Variants in GFPT2 observed in about 807,000 individuals in gnomAD.
GFPT2 encodes glutamine--fructose-6-phosphate transaminase 2, also known as glutamine--fructose-6-phosphate aminotransferase [isomerizing] 2.
A neutral mutation model predicts 85.6 loss-of-function variants in GFPT2; 62 were observed. The observed-to-expected ratio is 0.72, with a 90% CI of 0.59 to 0.90. The LOEUF is 0.90. Among genes scored for constraint, GFPT2 ranks in the 40% least tolerant of loss-of-function variants. GFPT2 has a pLI of 0.00. For missense variants in GFPT2, 788 were observed against 893.4 expected (o/e 0.88, Z 1.50); for synonymous variants, 368 against 344.5 (o/e 1.07, Z -0.75).
Position 180,321,941 on chromosome 5 carries a change from G to A in GFPT2, c.794+2247C>T, listed in dbSNP as rs369423419. ...TGGGACTACAGGCCTCCGCCACCAC[G>A]CCCGGCTGATTTTTTTTTTGTATTT... On this transcript the variant is annotated intron_variant, in intron 9 of 18. Coordinates refer to ENST00000253778, the MANE Select transcript of GFPT2 (RefSeq NM_005110.4). Among the ~76,000 whole-genome samples the A allele has an allele frequency of 9.9e-5, 15 of 151,824 alleles. No homozygotes were observed. The South Asian group carries it at 1.0e-3, about 11-fold the overall frequency.
Position 180,328,396 on chromosome 5 carries a change from G to T in GFPT2, c.535-58C>A. On this transcript the variant is annotated intron_variant, in intron 6 of 18. Transcript: ENST00000253778. This position sits in a 1 kb window ranked among gnomAD's most constrained non-coding sequence, Gnocchi z 5.4. Reference sequence around the variant, plus strand: ...TTCCAGCAGCCGCTGCTGCAGCCTGGCCACAGCCCAGGTGCGTCTCCCTGG... The same window carrying T: ...TTCCAGCAGCCGCTGCTGCAGCCTGTCCACAGCCCAGGTGCGTCTCCCTGG... 7.2e-7 allele frequency: 1 copy of T among 1,391,536 alleles called. No homozygotes were observed. The highest frequency in any genetic ancestry group is 1.0e-6 in the Non-Finnish European group (1 of 978,294). 86.2% of individuals were successfully genotyped at this position (1,391,536 alleles called of 1,614,324 possible).
rs772482014 is a variant in GFPT2, at chr5:180,330,697, C to T, written c.534+3G>A. 1 of 1,610,734 alleles carries T rather than the reference C, an allele frequency of 6.2e-7. No homozygotes were observed. The highest frequency in any genetic ancestry group is 8.5e-7 in the Non-Finnish European group (1 of 1,177,252). Reference sequence around the variant, plus strand: ...AGTTAGACAGATGGGATTTGTAACTCACCAACTGCTGAATGACTCTCTCGA... The same window carrying T: ...AGTTAGACAGATGGGATTTGTAACTTACCAACTGCTGAATGACTCTCTCGA... On this transcript the variant is annotated splice_donor_region_variant and intron_variant, in intron 6 of 18. Coordinates refer to ENST00000253778, the MANE Select transcript of GFPT2 (RefSeq NM_005110.4). This position sits in a 1 kb window ranked among gnomAD's most constrained non-coding sequence, Gnocchi z 4.4.
chr5:180,352,701 C>G (rs772192787), intron 1 of GFPT2: 1 of 422,324 alleles, frequency 2.4e-6, no homozygotes, highest in South Asian at 1.6e-5. Context: ...GAGGCACTGA[C>G]GCAGCGGGGG....
chr5:180,305,045 G>A (rs1581365690), intron 16 of GFPT2, 106 bp from the exon 17 acceptor site: 1 of 808,490 alleles, frequency 1.2e-6, no homozygotes, highest in East Asian at 2.5e-5. Context: ...CTGGAAGGCA[G>A]AGAGCCAAGG....
intron 14 of GFPT2, 47 bp from the exon 15 acceptor site, chr5:180,312,591 A>G (rs1460224252): frequency 9.9e-7 from 1 of 1,009,284 alleles, no homozygotes; most frequent in Non-Finnish European, 1.6e-6. Context: ...TCACTTTTTA[A>G]ATCAACTTTT....
At chr5:180,338,918 G>A (rs905220274) in intron 1 of GFPT2, among the ~76,000 whole-genome samples, 2 of 152,158 alleles carry the variant, frequency 1.3e-5, no homozygotes, top group Admixed American at 6.5e-5. Flanking sequence ...AAATCCAACC[G>A]CCTTAGGACA....
At chr5:180,348,154 G>A (rs539411324) in intron 1 of GFPT2, among the ~76,000 whole-genome samples, 2 of 152,298 alleles carry the variant, frequency 1.3e-5, no homozygotes, top group East Asian at 3.9e-4. Flanking sequence ...TAGTCCATGA[G>A]CCTCCTAGAG....
intron 1 of GFPT2, among the ~76,000 whole-genome samples, chr5:180,349,318 A>C (rs970059600): frequency 9.2e-5 from 14 of 152,122 alleles, no homozygotes; most frequent in Non-Finnish European, 1.0e-4. Flanking sequence ...AAAAATAAAA[A>C]TAAAATACCT....
chr5:180,313,777 C>G (rs1262377018), intron 14 of GFPT2, 30 bp downstream of exon 14: 8 of 1,529,336 alleles, frequency 5.2e-6, no homozygotes, highest in Non-Finnish European at 6.1e-6. Context: ...CCAGGCTCTC[C>G]CTGGGACGGG....
intron 5 of GFPT2, 183 bp downstream of exon 5, chr5:180,331,312 C>T (rs1764295632): frequency 1.7e-6 from 1 of 600,788 alleles, no homozygotes; most frequent in Non-Finnish European, 3.0e-6. Context: ...GTTATCTCCT[C>T]AAACGAGATC....
chr5:180,337,453 G>GAAAAAAA (rs35211599), intron 2 of GFPT2, among the ~76,000 whole-genome samples: 3 of 99,390 alleles, frequency 3.0e-5, no homozygotes, highest in Non-Finnish European at 4.0e-5. Flanking sequence ...ACTCCATCTC[G>GAAAAAAA]AAAAAAAAAA....
chr5:180,347,608 C>G lies in GFPT2; in HGVS notation c.7+5603G>C, dbSNP rs189573524. Among the ~76,000 whole-genome samples, 22 of 152,162 alleles carry G rather than the reference C, an allele frequency of 1.4e-4. No homozygotes were observed. The East Asian group carries it at 4.1e-3, about 28-fold the overall frequency. On this transcript the variant is annotated intron_variant, in intron 1 of 18. Coordinates refer to ENST00000253778, the MANE Select transcript of GFPT2 (RefSeq NM_005110.4). ...TCCAGCACTTTCTCTGCACAAGGCCCGAGAGATCACACAGGAAGTCAGGAG... is the reference window on the plus strand; with the variant it reads ...TCCAGCACTTTCTCTGCACAAGGCCGGAGAGATCACACAGGAAGTCAGGAG...
chr5:180,328,123 T>C lies in GFPT2; in HGVS notation c.596+154A>G, dbSNP rs979536076. Among the ~76,000 whole-genome samples, 2 of 151,642 alleles carry C rather than the reference T, an allele frequency of 1.3e-5. No homozygotes were observed. Among genetic ancestry groups the C allele is most frequent in the South Asian group, 2.1e-4 (1 of 4,796 alleles). On this transcript the variant is annotated intron_variant, in intron 7 of 18. Coordinates refer to ENST00000253778, the MANE Select transcript of GFPT2 (RefSeq NM_005110.4). The surrounding 1 kb of genome is among the most constrained non-coding windows in gnomAD (Gnocchi z 5.4). ...GTAGCACCACCAGCCATGGAGATGGTGGGGCGCGGTCCCCGGGGCTGAGCC... is the reference window on the plus strand; with the variant it reads ...GTAGCACCACCAGCCATGGAGATGGCGGGGCGCGGTCCCCGGGGCTGAGCC...
Position 180,316,785 on chromosome 5 carries a change from G to T in GFPT2, c.1131C>A (p.Thr377=). The T allele has an allele frequency of 6.2e-7, 1 of 1,613,320 alleles. No individual in the cohort carries two copies. The highest frequency in any genetic ancestry group is 8.5e-7 in the Non-Finnish European group (1 of 1,179,270). Residue 377 remains threonine (T), a synonymous_variant, in exon 12 of 19, where the codon ACC becomes ACA. Transcript: ENST00000253778. ...TTACAGCCACGGCAGCGTGGTAGCT[G>T]GTTCCACAGCCAATCACGATGAGCC... ...CRRLIVIGCG[T]SYHAAVATRQ...
chr5:180,341,808 G>A (rs548227223), intron 1 of GFPT2, among the ~76,000 whole-genome samples: 43 of 152,224 alleles, frequency 2.8e-4, no homozygotes, highest in Non-Finnish European at 5.0e-4. Flanking sequence ...TGAGGGCCGC[G>A]CAGCACTGCT....
chr5:180,353,231 C>A lies in GFPT2; in HGVS notation c.-14G>T. On this transcript the variant is annotated 5_prime_UTR_variant, in exon 1 of 19. Coordinates refer to ENST00000253778, the MANE Select transcript of GFPT2 (RefSeq NM_005110.4). ...CTCACCGCACATCGTGGCTGCTTCT[C>A]GGGCTCCTTCGCGGCTCGAGGGGGT... 8.1e-7 allele frequency: 1 copy of A among 1,241,574 alleles called. No homozygotes were observed. The allele number at this position is 1,241,574 out of a possible 1,614,324, so 76.9% of individuals were successfully genotyped here.
intron 2 of GFPT2, among the ~76,000 whole-genome samples, chr5:180,337,647 CT>C (rs1314791745): frequency 6.6e-6 from 1 of 151,824 alleles, no homozygotes; most frequent in Non-Finnish European, 1.5e-5. Flanking sequence ...ATGGGGGCTC[CT>C]TTTTTAATGA....
At chr5:180,347,328 G>A (rs746624477) in intron 1 of GFPT2, among the ~76,000 whole-genome samples, 10 of 152,240 alleles carry the variant, frequency 6.6e-5, no homozygotes, top group Middle Eastern at 6.3e-3. Flanking sequence ...TTGGAGAAAG[G>A]CCCGGCCTGG....
Position 180,318,164 on chromosome 5 carries a change from G to T in GFPT2, c.958+629C>A, listed in dbSNP as rs1764050503. 6.6e-6 allele frequency among the ~76,000 whole-genome samples: 1 copy of T among 152,168 alleles called. No individual in the cohort carries two copies. The highest frequency in any genetic ancestry group is 2.4e-5 in the African/African-American group (1 of 41,440). On this transcript the variant is annotated intron_variant, in intron 10 of 18. Transcript: ENST00000253778. The surrounding 1 kb of genome is among the most constrained non-coding windows in gnomAD (Gnocchi z 4.2). ...TCCTATGAGAAGAACAGCGAATGCA[G>T]GGGCTGTGGCGGGGCACAGTGGGAC...
Sources: gnomAD v4.1 joint callset for allele counts (sites outside exome capture counted in the v4.1 genomes callset) on GRCh38, gnomAD v4.1.1 for gene constraint, Gnocchi (gnomAD v3.1) non-coding constraint, MANE v1.5 for transcripts, NCBI Gene and HGNC (gene_info 2026-07-23, HGNC 2026-07-21) for gene names.